The following KDM2B variants were observed in gnomAD, a reference collection of about 807,000 sequenced individuals.
KDM2B encodes the protein lysine demethylase 2B, also known as lysine-specific demethylase 2B.
A neutral mutation model predicts 150.0 loss-of-function variants in KDM2B; 26 were observed. The ratio of observed to expected loss-of-function variants is 0.17; its 90% confidence interval spans 0.13 to 0.24. The LOEUF (loss-of-function observed/expected upper bound fraction) is 0.24. Among genes scored for constraint, KDM2B ranks in the 10% least tolerant of loss-of-function variants. The pLI, the probability that KDM2B is intolerant of heterozygous loss-of-function variation, is 1.00. For missense variants in KDM2B, 1,265 were observed against 1,816.9 expected, an observed-to-expected ratio of 0.70 and a Z score of 5.52; for synonymous variants, 734 against 729.5, an observed-to-expected ratio of 1.01 and a Z score of -0.10.
chr12:121,458,763 T>C (rs1878675514), intron 12 of KDM2B, among the ~76,000 whole-genome samples: 2 of 151,752 alleles, frequency 1.3e-5, no homozygotes, highest in African/African-American at 4.8e-5. Context: ...ATCATGACAT[T>C]GCACTCCAGC....
chr12:121,412,094 C>T, the KDM2B span, among the ~76,000 whole-genome samples: 4 of 152,086 alleles, frequency 2.6e-5, no homozygotes, highest in African/African-American at 9.7e-5. Flanking sequence ...TGGAGTCTCG[C>T]TCTGTCACCC....
At chr12:121,581,237 C>A (rs782436257), upstream of KDM2B, 5 of 259,246 alleles carry the variant, frequency 1.9e-5, no homozygotes, top group Non-Finnish European at 2.9e-5. Flanking sequence ...CTGGCGCCTC[C>A]TAACGCAGCC....
At position 121,430,195 on chromosome 12, in the gene KDM2B, G is replaced by T; in HGVS notation, c.*93C>A. The stretch of plus-strand genomic sequence containing the variant: ...AAATGGAATTGCGTTGTGGTCTGTT[G>T]TCCCACGTTCCAAATGGAAAATAAA... On this transcript the variant is annotated 3_prime_UTR_variant, in exon 23 of 23. Coordinates refer to ENST00000377071, the MANE Select transcript of KDM2B (RefSeq NM_032590.5). The surrounding 1 kb of genome is among the most constrained non-coding windows in gnomAD (Gnocchi z 4.4). 6.2e-7 allele frequency: 1 copy of T among 1,614,154 alleles called. No homozygotes were observed. The highest frequency in any genetic ancestry group is 8.5e-7 in the Non-Finnish European group (1 of 1,180,042).
At chr12:121,529,957 A>C (rs189951861) in intron 8 of KDM2B, among the ~76,000 whole-genome samples, 1,884 of 148,754 alleles carry the variant, frequency 0.013, 13 homozygotes, top group Middle Eastern at 0.021. Context: ...GAGCAGGCGC[A>C]GTGGCTCACG....
Position 121,513,163 on chromosome 12 carries a change from A to T in KDM2B, c.1174+113T>A. 1 of 1,251,328 alleles carries T rather than the reference A, an allele frequency of 8.0e-7. No individual in the cohort carries two copies. Among genetic ancestry groups the T allele is most frequent in the Non-Finnish European group, 1.1e-6 (1 of 886,558 alleles). The allele number at this position is 1,251,328 out of a possible 1,614,324, so 77.5% of individuals were successfully genotyped here. A position where few individuals can be genotyped will look rare whatever the true frequency, so the allele number is the denominator to read the frequency against. ...AGGGGTTCCTAGGATTCTGCCCAAT[A>T]CACTGATTCAACGAATCCCCAAAAC... On this transcript the variant is annotated intron_variant, in intron 10 of 22. Transcript: ENST00000377071. The surrounding 1 kb of genome is among the most constrained non-coding windows in gnomAD (Gnocchi z 5.0).
chr12:121,544,877 C>T (rs1555310453), intron 6 of KDM2B, among the ~76,000 whole-genome samples: 7 of 152,206 alleles, frequency 4.6e-5, no homozygotes, highest in Non-Finnish European at 1.0e-4. Context: ...CGTGCCATTG[C>T]ACTCCAGCCT....
chr12:121,560,679 C>G (rs1890269514), intron 4 of KDM2B, among the ~76,000 whole-genome samples: 1 of 152,110 alleles, frequency 6.6e-6, no homozygotes, highest in Non-Finnish European at 1.5e-5. Context: ...GCCGCCAGTC[C>G]CTTTTGGCCT....
the KDM2B span, chr12:121,420,460 G>T: frequency 1.3e-6 from 2 of 1,560,340 alleles, no homozygotes; most frequent in Non-Finnish European, 1.7e-6. Flanking sequence ...ACAGTATACT[G>T]AAACACTTCT....
chr12:121,578,679 C>T, intron 2 of KDM2B, 123 bp downstream of exon 2: 2 of 163,226 alleles, frequency 1.2e-5, no homozygotes, highest in Non-Finnish European at 2.3e-5. Flanking sequence ...GGCCTCGTTT[C>T]GTCACCGGAT....
chr12:121,488,228 G>T (rs552418701), intron 12 of KDM2B, among the ~76,000 whole-genome samples: 1 of 152,290 alleles, frequency 6.6e-6, no homozygotes, highest in Non-Finnish European at 1.5e-5. Flanking sequence ...ATAATTTTGG[G>T]ATGGGAAATG....
the KDM2B span, chr12:121,420,230 G>C: frequency 1.9e-6 from 3 of 1,609,080 alleles, no homozygotes; most frequent in Admixed American, 3.3e-5. Flanking sequence ...CAGATACGTT[G>C]TATAAGTGTA....
the KDM2B span, among the ~76,000 whole-genome samples, chr12:121,418,899 G>C: frequency 6.6e-6 from 1 of 152,128 alleles, no homozygotes; most frequent in East Asian, 1.9e-4. Context: ...TAAAGATGGG[G>C]TTTCACCATG....
the KDM2B span, among the ~76,000 whole-genome samples, chr12:121,411,118 A>T: frequency 6.6e-6 from 1 of 152,058 alleles, no homozygotes; most frequent in Admixed American, 6.6e-5. Context: ...TTTTGTAGAG[A>T]TAGAGTCTCC....
chr12:121,495,951 G>A (rs1198531407), intron 11 of KDM2B, among the ~76,000 whole-genome samples: 3 of 152,096 alleles, frequency 2.0e-5, no homozygotes, highest in African/African-American at 4.8e-5. Flanking sequence ...GTTCACTCTC[G>A]GTGAGCAGTT....
chr12:121,472,762 C>T (rs1284632631), intron 12 of KDM2B, among the ~76,000 whole-genome samples: 1 of 152,184 alleles, frequency 6.6e-6, no homozygotes, highest in Non-Finnish European at 1.5e-5. Context: ...CTTCCCTTCT[C>T]TATTCATTTC....
At chr12:121,531,322 G>C (rs1555307779) in intron 8 of KDM2B, among the ~76,000 whole-genome samples, 2 of 152,186 alleles carry the variant, frequency 1.3e-5, no homozygotes, top group Non-Finnish European at 2.9e-5. Context: ...TCCAGTTTCT[G>C]CCCAACTTTC....
At chr12:121,579,415 G>A (rs1367080987) in intron 1 of KDM2B, among the ~76,000 whole-genome samples, 1 of 152,138 alleles carries the variant, frequency 6.6e-6, no homozygotes, top group African/African-American at 2.4e-5. Context: ...GGGGGCCGGC[G>A]GCATTTCTAA....
At chr12:121,462,215 C>T (rs1345597375) in intron 12 of KDM2B, among the ~76,000 whole-genome samples, 1 of 152,148 alleles carries the variant, frequency 6.6e-6, no homozygotes, top group Non-Finnish European at 1.5e-5. Context: ...AATCTGCAAG[C>T]ATAATGGACA....
Position 121,578,799 on chromosome 12 carries a change from C to T in KDM2B, c.271+3G>A. On this transcript the variant is annotated splice_donor_region_variant and intron_variant, in intron 2 of 22. Transcript: ENST00000377071. ...AGGGCGGCCCGGGGTGGGGGCGCCTCACCTTTGCCCTCCATGGCGTGCACG... is the reference window on the plus strand; with the variant it reads ...AGGGCGGCCCGGGGTGGGGGCGCCTTACCTTTGCCCTCCATGGCGTGCACG... 1 of 1,536,330 alleles carries T rather than the reference C, an allele frequency of 6.5e-7. No homozygotes were observed.
Sources: gnomAD v4.1 joint callset for allele counts (sites outside exome capture counted in the v4.1 genomes callset) on GRCh38, gnomAD v4.1.1 for gene constraint, Gnocchi (gnomAD v3.1) non-coding constraint, MANE v1.5 for transcripts, NCBI Gene and HGNC (gene_info 2026-07-23, HGNC 2026-07-21) for gene names.